Variants in F13A1 observed in about 807,000 individuals in gnomAD.
F13A1 encodes the protein FSF, A subunit.
F13A1 carries 47 observed loss-of-function variants against 80.1 expected under a neutral mutation model. The ratio of observed to expected loss-of-function variants is 0.59; its 90% CI spans 0.46 to 0.75. F13A1 has a LOEUF of 0.75. F13A1 is among the 30% of genes least tolerant of loss of function. F13A1 has a pLI of 0.00. For synonymous variants in F13A1, 349 were observed against 344.9 expected, an observed-to-expected ratio of 1.01 and a Z score of -0.13; for missense variants, 817 against 930.4, an observed-to-expected ratio of 0.88 and a Z score of 1.59.
chr6:6,305,708 T>G (rs1488549489), intron 2 of F13A1, 169 bp from the exon 3 acceptor site: 3 of 655,594 alleles, frequency 4.6e-6, no homozygotes, highest in Admixed American at 5.1e-5. Flanking sequence ...GTCAGCCTCT[T>G]GTGACATTCT....
At chr6:6,242,316 A>G (rs1455002553) in intron 6 of F13A1, among the ~76,000 whole-genome samples, 1 of 152,202 alleles carries the variant, frequency 6.6e-6, no homozygotes, top group Non-Finnish European at 1.5e-5. Context: ...TACATCGAAC[A>G]TCGATTGGTT....
At chr6:6,150,124 A>T (rs2151067917) in intron 14 of F13A1, among the ~76,000 whole-genome samples, 1 of 152,260 alleles carries the variant, frequency 6.6e-6, no homozygotes, top group African/African-American at 2.4e-5. Context: ...AAAGATAGAG[A>T]AGTTTCCGGT....
chr6:6,308,221 A>G (rs1486589741), intron 2 of F13A1, among the ~76,000 whole-genome samples: 2 of 152,066 alleles, frequency 1.3e-5, no homozygotes, highest in Non-Finnish European at 2.9e-5. Flanking sequence ...ACGGGGTTTC[A>G]CCATGTTGGC....
chr6:6,238,426 T>C (rs1757440915), intron 6 of F13A1, among the ~76,000 whole-genome samples: 1 of 151,820 alleles, frequency 6.6e-6, no homozygotes, highest in African/African-American at 2.4e-5. Context: ...ATAGGAGAAA[T>C]AGTGGCAAAC....
intron 4 of F13A1, among the ~76,000 whole-genome samples, chr6:6,263,034 G>A (rs1757798073): frequency 6.6e-6 from 1 of 152,202 alleles, no homozygotes; most frequent in Non-Finnish European, 1.5e-5. Flanking sequence ...CCAGATGATT[G>A]CAACGTGCAG....
At chr6:6,315,308 C>T (rs543983930) in intron 2 of F13A1, among the ~76,000 whole-genome samples, 3 of 152,322 alleles carry the variant, frequency 2.0e-5, no homozygotes, top group African/African-American at 7.2e-5. Flanking sequence ...GAGATCGTCT[C>T]AGTACCTTTC....
chr6:6,226,808 T>C (rs1757282579), intron 6 of F13A1, among the ~76,000 whole-genome samples: 1 of 152,174 alleles, frequency 6.6e-6, no homozygotes, highest in South Asian at 2.1e-4. Context: ...TGGAGAGAGA[T>C]GGTCAAGAAA....
Position 6,173,807 on chromosome 6 carries a change from A to C in F13A1, c.1747+773T>G, listed in dbSNP as rs1020658214. ...TTTCCTAACTTGGGCGAGAGGCACCAGCAGAGGGCCTGTTTCTGAGATGGA... is the reference window on the plus strand; with the variant it reads ...TTTCCTAACTTGGGCGAGAGGCACCCGCAGAGGGCCTGTTTCTGAGATGGA... On this transcript the variant is annotated intron_variant, in intron 12 of 14. Transcript: ENST00000264870. Among the ~76,000 whole-genome samples the C allele has an allele frequency of 2.6e-5, 4 of 152,174 alleles. No individual in the cohort carries two copies. The South Asian group carries it at 8.3e-4, about 32-fold the overall frequency.
Position 6,316,676 on chromosome 6 carries a change from G to A in F13A1, c.130+1859C>T, listed in dbSNP as rs191394990. On this transcript the variant is annotated intron_variant, in intron 2 of 14. Coordinates refer to ENST00000264870, the MANE Select transcript of F13A1 (RefSeq NM_000129.4). The stretch of plus-strand genomic sequence containing the variant: ...CTCATAGGAACAAGTATTCCCTGGA[G>A]TGCTTTCCTGACCTTGCTGGGATAT... 2.6e-5 allele frequency among the ~76,000 whole-genome samples: 4 copies of A among 152,292 alleles called. No homozygotes were observed. The East Asian group carries it at 5.8e-4, about 22-fold the overall frequency.
At chr6:6,166,132 C>T (rs868240166) in intron 13 of F13A1, among the ~76,000 whole-genome samples, 57 of 152,348 alleles carry the variant, frequency 3.7e-4, no homozygotes, top group Non-Finnish European at 5.7e-4. Context: ...AGCCCAGCTC[C>T]GCCATTTGCT....
intron 8 of F13A1, 123 bp from the exon 9 acceptor site, chr6:6,197,449 G>A (rs1761311486): frequency 1.4e-5 from 12 of 863,876 alleles, no homozygotes; most frequent in South Asian, 4.2e-5. Context: ...GGAGGCCAAG[G>A]CAGGTGAGTC....
intron 10 of F13A1, among the ~76,000 whole-genome samples, chr6:6,191,153 C>G (rs1266244124): frequency 4.0e-5 from 6 of 151,584 alleles, no homozygotes; most frequent in African/African-American, 1.5e-4. Flanking sequence ...GAACCCGGTA[C>G]CTCAGATGGA....
At chr6:6,303,654 G>A (rs1358547043) in intron 3 of F13A1, among the ~76,000 whole-genome samples, 1 of 152,146 alleles carries the variant, frequency 6.6e-6, no homozygotes. Flanking sequence ...CCATCTAACT[G>A]AAATTTTGTA....
intron 4 of F13A1, 96 bp from the exon 5 acceptor site, chr6:6,251,025 T>A: frequency 2.1e-6 from 2 of 962,514 alleles, no homozygotes; most frequent in South Asian, 2.6e-5. Context: ...TAAACTACAT[T>A]TAATCAGCCA....
At chr6:6,207,548 A>G (rs962947856) in intron 8 of F13A1, among the ~76,000 whole-genome samples, 10 of 152,250 alleles carry the variant, frequency 6.6e-5, no homozygotes, top group African/African-American at 2.4e-4. Flanking sequence ...AGATAGCCAC[A>G]AACATGTGCA....
chr6:6,209,876 G>A (rs565466274), intron 8 of F13A1, among the ~76,000 whole-genome samples: 4 of 152,246 alleles, frequency 2.6e-5, no homozygotes, highest in Admixed American at 2.0e-4. Context: ...GTATGGCAGA[G>A]GGGAGAGAAA....
intron 10 of F13A1, among the ~76,000 whole-genome samples, chr6:6,191,629 G>A (rs1446468435): frequency 1.3e-5 from 2 of 152,200 alleles, no homozygotes; most frequent in African/African-American, 4.8e-5. Context: ...ACAGGTGGCA[G>A]AAGATATGCT....
intron 6 of F13A1, among the ~76,000 whole-genome samples, chr6:6,232,343 A>G (rs1261672347): frequency 6.6e-6 from 1 of 152,228 alleles, no homozygotes; most frequent in East Asian, 1.9e-4. Flanking sequence ...AACAGCAGTT[A>G]AAAGAGACAA....
chr6:6,307,707 A>G (rs1479178238), intron 2 of F13A1, among the ~76,000 whole-genome samples: 2 of 152,222 alleles, frequency 1.3e-5, no homozygotes, highest in African/African-American at 2.4e-5. Context: ...TGGTAGAACT[A>G]CTATACCCTG....
Sources: gnomAD v4.1 joint callset for allele counts (sites outside exome capture counted in the v4.1 genomes callset) on GRCh38, gnomAD v4.1.1 for gene constraint, MANE v1.5 for transcripts, NCBI Gene and HGNC (gene_info 2026-07-23, HGNC 2026-07-21) for gene names.